The following SLCO4C1 variants were observed in gnomAD, a reference collection of about 807,000 sequenced individuals.
SLCO4C1 encodes the protein organic anion transporter M1.
A neutral mutation model predicts 72.1 loss-of-function variants in SLCO4C1; 58 were observed. That is an observed-to-expected ratio of 0.80 (90% CI 0.65 to 1.00). The LOEUF (loss-of-function observed/expected upper bound fraction) is 1.00, where lower values mean the gene tolerates loss of function less well. SLCO4C1 is among the 50% of genes least tolerant of loss of function. The probability of loss-of-function intolerance (pLI) is 0.00; values close to 1 mark genes in which losing one functional copy is unlikely to be tolerated. For missense variants in SLCO4C1, 898 were observed against 857.9 expected (o/e 1.05, Z -0.58); for synonymous variants, 297 against 312.5 (o/e 0.95, Z 0.52).
chr5:102,267,377 A>G (rs1749060614), intron 3 of SLCO4C1, among the ~76,000 whole-genome samples: 2 of 152,030 alleles, frequency 1.3e-5, no homozygotes, highest in African/African-American at 4.8e-5. Flanking sequence ...CTAGGAATTT[A>G]TCCATTTTCT....
At chr5:102,240,897 C>T (rs556514078) in intron 10 of SLCO4C1, 115 bp from the exon 11 acceptor site, 48 of 652,702 alleles carry the variant, frequency 7.4e-5, no homozygotes, top group South Asian at 3.3e-4. Context: ...ATGTTGTAAA[C>T]GCAAAATAAT....
chr5:102,293,934 AG>A (rs1749601245), intron 1 of SLCO4C1, among the ~76,000 whole-genome samples: 1 of 151,630 alleles, frequency 6.6e-6, no homozygotes, highest in Non-Finnish European at 1.5e-5. Flanking sequence ...TTTGAGACAG[AG>A]TTTCCCTCTG....
intron 3 of SLCO4C1, among the ~76,000 whole-genome samples, chr5:102,269,571 A>G (rs1015885098): frequency 1.3e-5 from 2 of 152,066 alleles, no homozygotes; most frequent in Non-Finnish European, 2.9e-5. Flanking sequence ...TGAATTTCTC[A>G]TTCAGATCAT....
intron 11 of SLCO4C1, among the ~76,000 whole-genome samples, chr5:102,239,670 T>C (rs1420925784): frequency 6.6e-6 from 1 of 152,012 alleles, no homozygotes; most frequent in Non-Finnish European, 1.5e-5. Context: ...ATTCACCACT[T>C]TTCTAATATA....
chr5:102,264,333 A>G (rs1748996021), intron 3 of SLCO4C1, among the ~76,000 whole-genome samples: 1 of 152,092 alleles, frequency 6.6e-6, no homozygotes, highest in African/African-American at 2.4e-5. Context: ...TATCTGTGAG[A>G]TATTTAAAAT....
intron 12 of SLCO4C1, among the ~76,000 whole-genome samples, chr5:102,237,454 C>A (rs1748458960): frequency 1.3e-5 from 2 of 150,420 alleles, no homozygotes; most frequent in Admixed American, 1.3e-4. Flanking sequence ...AAAAAAAGTG[C>A]AAAATATATT....
intron 7 of SLCO4C1, 134 bp downstream of exon 7, chr5:102,257,809 A>C: frequency 3.9e-6 from 3 of 775,442 alleles, no homozygotes; most frequent in Non-Finnish European, 6.1e-6. Flanking sequence ...TGGTACAGAC[A>C]GGGTTTCACC....
chr5:102,293,079 T>A lies in SLCO4C1; in HGVS notation c.356-1473A>T, dbSNP rs1324393610. The stretch of plus-strand genomic sequence containing the variant: ...AGCTGAAAATATATTTCAAAAAAAA[T>A]AAATTCAACAAATTTAATAAGTTTC... On this transcript the variant is annotated intron_variant, in intron 1 of 12. Coordinates refer to ENST00000310954, the MANE Select transcript of SLCO4C1 (RefSeq NM_180991.5). 2.0e-5 allele frequency among the ~76,000 whole-genome samples: 3 copies of A among 152,066 alleles called. No individual in the cohort carries two copies. The East Asian group carries it at 5.8e-4, about 29-fold the overall frequency.
intron 12 of SLCO4C1, 64 bp from the exon 13 acceptor site, chr5:102,237,082 G>GA: frequency 4.9e-6 from 7 of 1,424,316 alleles, no homozygotes; most frequent in Non-Finnish European, 6.5e-6. Flanking sequence ...TTATCACTGA[G>GA]AAAAATCTTC....
At chr5:102,244,200 G>C (rs1748597536) in intron 10 of SLCO4C1, among the ~76,000 whole-genome samples, 1 of 152,016 alleles carries the variant, frequency 6.6e-6, no homozygotes, top group Non-Finnish European at 1.5e-5. Context: ...AACAAAAAAA[G>C]AATCAAGTGG....
At chr5:102,287,461 G>C (rs2112399254) in intron 2 of SLCO4C1, among the ~76,000 whole-genome samples, 1 of 149,182 alleles carries the variant, frequency 6.7e-6, no homozygotes, top group Non-Finnish European at 1.5e-5. Context: ...TTTAGTTGTT[G>C]TTAACCATCT....
intron 2 of SLCO4C1, among the ~76,000 whole-genome samples, chr5:102,291,035 A>G (rs1749539383): frequency 6.6e-6 from 1 of 152,184 alleles, no homozygotes; most frequent in South Asian, 2.1e-4. Context: ...AAAACTAAAG[A>G]TCTCAGAACT....
chr5:102,263,502 C>T (rs1225083384), intron 4 of SLCO4C1, among the ~76,000 whole-genome samples, 182 bp downstream of exon 4: 1 of 152,032 alleles, frequency 6.6e-6, no homozygotes. Flanking sequence ...TGGTATAGCA[C>T]TGACCCAAAA....
chr5:102,265,688 C>A (rs1749024103), intron 3 of SLCO4C1, among the ~76,000 whole-genome samples: 1 of 152,138 alleles, frequency 6.6e-6, no homozygotes, highest in South Asian at 2.1e-4. Context: ...TTGATACCAA[C>A]ACCATCCTTT....
At chr5:102,288,199 G>A (rs992953024) in intron 2 of SLCO4C1, among the ~76,000 whole-genome samples, 9 of 152,082 alleles carry the variant, frequency 5.9e-5, no homozygotes, top group Admixed American at 1.3e-4. Context: ...ATGTAAACAC[G>A]TATTTTGGGG....
At chr5:102,266,419 G>C (rs1475267561) in intron 3 of SLCO4C1, among the ~76,000 whole-genome samples, 1 of 152,180 alleles carries the variant, frequency 6.6e-6, no homozygotes, top group Non-Finnish European at 1.5e-5. Context: ...GGAGGCCGAG[G>C]TGGGTGGATT....
intron 4 of SLCO4C1, 132 bp downstream of exon 4, chr5:102,263,552 G>C (rs771006426): frequency 3.2e-6 from 2 of 627,182 alleles, no homozygotes; most frequent in Non-Finnish European, 5.4e-6. Context: ...AGAATTCTTT[G>C]TATTCAATTT....
At chr5:102,294,100 G>A (rs1352870850) in intron 1 of SLCO4C1, among the ~76,000 whole-genome samples, 1 of 152,168 alleles carries the variant, frequency 6.6e-6, no homozygotes, top group Non-Finnish European at 1.5e-5. Flanking sequence ...GTAGAGACGG[G>A]GTTTCACCGT....
At chr5:102,287,443 G>T (rs1312329303) in intron 2 of SLCO4C1, among the ~76,000 whole-genome samples, 2 of 151,328 alleles carry the variant, frequency 1.3e-5, no homozygotes, top group African/African-American at 4.9e-5. Flanking sequence ...ATAAAAATTA[G>T]GATTAGTTTT....
Sources: gnomAD v4.1 joint callset for allele counts (sites outside exome capture counted in the v4.1 genomes callset) on GRCh38, gnomAD v4.1.1 for gene constraint, MANE v1.5 for transcripts, NCBI Gene and HGNC (gene_info 2026-07-23, HGNC 2026-07-21) for gene names.